Variants in SKAP1 observed in about 807,000 individuals in gnomAD.
SKAP1 encodes src kinase associated phosphoprotein 1.
Under a neutral mutation model 58.5 loss-of-function variants are expected in SKAP1, and 44 were observed. The observed-to-expected ratio is 0.75, with a 90% CI of 0.59 to 0.97. SKAP1 has a LOEUF of 0.97. Among genes scored for constraint, SKAP1 ranks in the 50% least tolerant of loss-of-function variants. SKAP1 has a pLI of 0.00. For missense variants in SKAP1, 390 were observed against 435.2 expected (o/e 0.90, Z 0.92); for synonymous variants, 127 against 149.7 (o/e 0.85, Z 1.11).
intron 2 of SKAP1, among the ~76,000 whole-genome samples, chr17:48,381,289 T>C (rs12939680): frequency 0.21 from 32,212 of 152,132 alleles, 3,426 homozygotes; most frequent in Admixed American, 0.22. Context: ...TTTCCAGGAG[T>C]TGGTTCCATT....
chr17:48,304,164 A>C (rs2066103345), intron 4 of SKAP1, among the ~76,000 whole-genome samples: 1 of 152,198 alleles, frequency 6.6e-6, no homozygotes, highest in Non-Finnish European at 1.5e-5. Context: ...AATTAAGCAT[A>C]ATGGACCTCT....
chr17:48,430,172 G>A lies in SKAP1; in HGVS notation c.-52C>T, dbSNP rs1022302324. ...GGGGCGCGGGCCCTGGTCGGGAGGC[G>A]GACGGGCTGGAAGGCGACCCGGCTG... On this transcript the variant is annotated 5_prime_UTR_variant, in exon 1 of 13. Coordinates refer to ENST00000336915, the MANE Select transcript of SKAP1 (RefSeq NM_003726.4). The A allele has an allele frequency of 1.8e-5, 23 of 1,245,044 alleles. No homozygotes were observed. Among genetic ancestry groups the A allele is most frequent in the South Asian group, 1.6e-4 (4 of 24,538 alleles). 77.1% of individuals were successfully genotyped at this position (1,245,044 alleles called of 1,614,324 possible).
chr17:48,282,734 G>T (rs1298160987), intron 4 of SKAP1, among the ~76,000 whole-genome samples: 1 of 151,836 alleles, frequency 6.6e-6, no homozygotes, highest in African/African-American at 2.4e-5. Context: ...AGGTCGTCTC[G>T]CTGCACTGCT....
intron 4 of SKAP1, among the ~76,000 whole-genome samples, chr17:48,213,028 TG>T (rs1480469434): frequency 1.3e-5 from 2 of 151,604 alleles, no homozygotes; most frequent in Non-Finnish European, 2.9e-5. Context: ...TAGGAAAGAG[TG>T]GGTGCCTCAG....
intron 2 of SKAP1, among the ~76,000 whole-genome samples, chr17:48,378,311 C>G (rs2067175988): frequency 6.6e-6 from 1 of 152,206 alleles, no homozygotes; most frequent in Non-Finnish European, 1.5e-5. Flanking sequence ...GCTCCTCCAT[C>G]TTCTAGCTGA....
chr17:48,226,354 T>C (rs917758776), intron 4 of SKAP1, among the ~76,000 whole-genome samples: 2 of 152,206 alleles, frequency 1.3e-5, no homozygotes, highest in Admixed American at 6.5e-5. Context: ...TACGTTTTTT[T>C]TTTCCTTCTT....
intron 4 of SKAP1, among the ~76,000 whole-genome samples, chr17:48,317,826 A>G (rs1013222673): frequency 1.3e-5 from 2 of 152,206 alleles, no homozygotes; most frequent in African/African-American, 2.4e-5. Context: ...GTTAGAAGGC[A>G]TCATACAAAA....
At position 48,162,548 on chromosome 17, in the gene SKAP1, T is replaced by G; in HGVS notation, c.899A>C (p.Gln300Pro). ...RKGVDYASYY[Q>P]GLWDCHGDQP... ...GTCACCATGGCAATCCCATAGGCCC[T>G]GGTAGTAACTGGCATAGTCTACTGA... The change falls in exon 11 of 13, where the codon CAG becomes CCG. Residue 300 changes from glutamine (Q) to proline (P), a missense_variant. By Grantham distance (76) the Gln-to-Pro change is moderately conservative (BLOSUM62 -1). Transcript: ENST00000336915. The G allele has an allele frequency of 6.2e-7, 1 of 1,613,460 alleles. No individual in the cohort carries two copies. Among genetic ancestry groups the G allele is most frequent in the Non-Finnish European group, 8.5e-7 (1 of 1,179,540 alleles).
intron 6 of SKAP1, among the ~76,000 whole-genome samples, chr17:48,187,039 T>C (rs2064464946): frequency 6.6e-6 from 1 of 152,236 alleles, no homozygotes; most frequent in South Asian, 2.1e-4. Flanking sequence ...CGTCTTAGAA[T>C]TACTCCTGGG....
intron 1 of SKAP1, among the ~76,000 whole-genome samples, chr17:48,428,751 C>T (rs2067879645): frequency 6.6e-6 from 1 of 152,180 alleles, no homozygotes; most frequent in South Asian, 2.1e-4. Context: ...ACAATTACAG[C>T]CTTCCTTCAC....
At chr17:48,191,224 T>C (rs2064540835) in intron 4 of SKAP1, among the ~76,000 whole-genome samples, 1 of 152,084 alleles carries the variant, frequency 6.6e-6, no homozygotes, top group Non-Finnish European at 1.5e-5. Context: ...AAGAAGGAAT[T>C]TACTTCTCAA....
chr17:48,223,032 C>A (rs2065022369), intron 4 of SKAP1, among the ~76,000 whole-genome samples: 1 of 121,938 alleles, frequency 8.2e-6, no homozygotes, highest in Admixed American at 1.1e-4. Context: ...CCATTGCACT[C>A]TAGCCTGGGC....
At chr17:48,288,822 A>G (rs1358593373) in intron 4 of SKAP1, among the ~76,000 whole-genome samples, 1 of 152,226 alleles carries the variant, frequency 6.6e-6, no homozygotes, top group African/African-American at 2.4e-5. Flanking sequence ...AGCACAAAAC[A>G]GTGATTTTGA....
chr17:48,444,860 C>T, the SKAP1 span, among the ~76,000 whole-genome samples: 1 of 152,042 alleles, frequency 6.6e-6, no homozygotes, highest in South Asian at 2.1e-4. Flanking sequence ...CTCCTGGGAC[C>T]CATAATCATG....
At chr17:48,326,889 C>CTTTTTT (rs35868072) in intron 4 of SKAP1, among the ~76,000 whole-genome samples, 11 of 121,598 alleles carry the variant, frequency 9.0e-5, no homozygotes, top group South Asian at 2.7e-4. Context: ...TTCTTTCTTT[C>CTTTTTT]TTTTTTTTTT....
intron 4 of SKAP1, among the ~76,000 whole-genome samples, chr17:48,321,228 C>T (rs960948992): frequency 6.6e-6 from 1 of 152,058 alleles, no homozygotes; most frequent in Non-Finnish European, 1.5e-5. Context: ...TTCCCTACCT[C>T]TCTAGATATA....
At chr17:48,344,387 G>A (rs922701685) in intron 4 of SKAP1, 1 of 166,348 alleles carries the variant, frequency 6.0e-6, no homozygotes, top group African/African-American at 2.4e-5. Context: ...AAGGGCCTTA[G>A]GGGTTCTTCC....
intron 4 of SKAP1, among the ~76,000 whole-genome samples, chr17:48,278,284 C>T (rs1286317490): frequency 6.6e-6 from 1 of 152,196 alleles, no homozygotes; most frequent in African/African-American, 2.4e-5. Context: ...AGTGCCTACG[C>T]TGTTCTTTTT....
chr17:48,425,409 T>C (rs774049420), intron 1 of SKAP1, among the ~76,000 whole-genome samples: 4 of 152,260 alleles, frequency 2.6e-5, no homozygotes, highest in Non-Finnish European at 4.4e-5. Flanking sequence ...TTAACAATTA[T>C]TGATTCTGAG....
Sources: allele counts gnomAD v4.1 joint callset (sites outside exome capture counted in the v4.1 genomes callset), GRCh38; gene constraint gnomAD v4.1.1; transcripts MANE v1.5; gene names NCBI Gene and HGNC (gene_info 2026-07-23, HGNC 2026-07-21).